The following CSGALNACT1 variants were observed in gnomAD, a reference collection of about 807,000 sequenced individuals.
CSGALNACT1 encodes the protein chondroitin sulfate N-acetylgalactosaminyltransferase 1.
In CSGALNACT1, 52 loss-of-function variants were observed where a neutral mutation model predicts 51.0. That is an observed-to-expected ratio of 1.02 (90% CI 0.82 to 1.29). CSGALNACT1 has a LOEUF of 1.29. CSGALNACT1 is among the 50% of genes most tolerant of loss of function. The probability of loss-of-function intolerance (pLI) is 0.00; values close to 1 mark genes in which losing one functional copy is unlikely to be tolerated. For synonymous variants in CSGALNACT1, 341 were observed against 254.4 expected, an observed-to-expected ratio of 1.34 and a Z score of -3.24; for missense variants, 935 against 679.2, an observed-to-expected ratio of 1.38 and a Z score of -4.19.
At position 19,663,761 on chromosome 8, in the gene CSGALNACT1, G is replaced by C. The variant is rs2058960798; in HGVS notation, c.-544+18712C>G. Among the ~76,000 whole-genome samples the C allele has an allele frequency of 3.9e-5, 6 of 152,268 alleles. 1 individual carries two copies. The South Asian group carries it at 1.2e-3, about 31-fold the overall frequency. On this transcript the variant is annotated intron_variant, in intron 1 of 9. Transcript: ENST00000332246. Reference sequence around the variant, plus strand: ...ATACTACATTTCTATTGTGCAAACAGTTTCAATTCATCAAGAAGGAATCTC... The same window carrying C: ...ATACTACATTTCTATTGTGCAAACACTTTCAATTCATCAAGAAGGAATCTC...
chr8:19,519,660 C>T (rs144760704), intron 3 of CSGALNACT1, among the ~76,000 whole-genome samples: 1 of 152,292 alleles, frequency 6.6e-6, no homozygotes, highest in East Asian at 1.9e-4. Context: ...GACACTCTCC[C>T]TCCTCTCCAT....
At chr8:19,540,427 G>C (rs1260756296) in intron 3 of CSGALNACT1, among the ~76,000 whole-genome samples, 3 of 152,142 alleles carry the variant, frequency 2.0e-5, no homozygotes, top group Non-Finnish European at 4.4e-5. Flanking sequence ...TCACTGTGTG[G>C]ATACAAAAGT....
intron 5 of CSGALNACT1, among the ~76,000 whole-genome samples, chr8:19,455,161 C>T (rs1262823224): frequency 1.3e-5 from 2 of 152,202 alleles, no homozygotes; most frequent in Non-Finnish European, 2.9e-5. Context: ...TGCTGTTCTA[C>T]ACTGCTTAAA....
intron 3 of CSGALNACT1, among the ~76,000 whole-genome samples, chr8:19,585,696 T>C (rs926773409): frequency 6.6e-6 from 1 of 152,208 alleles, no homozygotes; most frequent in Admixed American, 6.5e-5. Flanking sequence ...ATGGAGATTC[T>C]AGAAGGTGTT....
chr8:19,478,433 A>G (rs1350028248), intron 4 of CSGALNACT1, among the ~76,000 whole-genome samples: 1 of 151,660 alleles, frequency 6.6e-6, no homozygotes, highest in Non-Finnish European at 1.5e-5. Context: ...AAAAAAAAAA[A>G]AAAAAGGTAC....
intron 4 of CSGALNACT1, among the ~76,000 whole-genome samples, chr8:19,459,870 G>A (rs577864278): frequency 1.3e-5 from 2 of 152,138 alleles, no homozygotes; most frequent in Non-Finnish European, 2.9e-5. Flanking sequence ...TCTAGGGACC[G>A]TGCAAACTGT....
intron 1 of CSGALNACT1, among the ~76,000 whole-genome samples, chr8:19,661,247 G>C (rs1349262619): frequency 6.6e-6 from 1 of 152,054 alleles, no homozygotes; most frequent in African/African-American, 2.4e-5. Flanking sequence ...GGAGCCACAA[G>C]GCCTCTCCCA....
At chr8:19,448,824 A>T (rs1338420431) in intron 5 of CSGALNACT1, among the ~76,000 whole-genome samples, 1 of 152,212 alleles carries the variant, frequency 6.6e-6, no homozygotes. Flanking sequence ...TCCCATGCAA[A>T]TGAAATGACA....
chr8:19,682,681 T>A (rs1352682785), upstream of CSGALNACT1: 1 of 453,984 alleles, frequency 2.2e-6, no homozygotes, highest in East Asian at 6.9e-5. Context: ...TTGACACAAG[T>A]CTTGGGTTAC....
intron 1 of CSGALNACT1, among the ~76,000 whole-genome samples, chr8:19,675,736 C>G (rs1233498302): frequency 2.0e-5 from 3 of 152,226 alleles, no homozygotes; most frequent in African/African-American, 7.2e-5. Context: ...TCGTGATCCA[C>G]CTCAGCCTCC....
intron 1 of CSGALNACT1, among the ~76,000 whole-genome samples, chr8:19,610,324 G>A (rs2052052422): frequency 6.7e-6 from 1 of 148,680 alleles, no homozygotes; most frequent in African/African-American, 2.5e-5. Context: ...TACAGAAGAG[G>A]GGAAGGGAAG....
intron 2 of CSGALNACT1, among the ~76,000 whole-genome samples, chr8:19,596,589 G>C (rs1246105904): frequency 6.8e-6 from 1 of 147,812 alleles, no homozygotes; most frequent in East Asian, 2.0e-4. Flanking sequence ...GCCACAAATT[G>C]TAAGAAAAAA....
At chr8:19,567,690 G>A (rs994389587) in intron 3 of CSGALNACT1, among the ~76,000 whole-genome samples, 1 of 152,132 alleles carries the variant, frequency 6.6e-6, no homozygotes, top group Non-Finnish European at 1.5e-5. Flanking sequence ...AAATTAGAAT[G>A]TCATTATTTA....
At chr8:19,490,643 T>G (rs894636658) in intron 4 of CSGALNACT1, among the ~76,000 whole-genome samples, 1 of 152,156 alleles carries the variant, frequency 6.6e-6, no homozygotes, top group African/African-American at 2.4e-5. Flanking sequence ...TCTCTCCAGC[T>G]TGGACACCTG....
intron 1 of CSGALNACT1, among the ~76,000 whole-genome samples, chr8:19,711,215 G>A (rs948104054): frequency 1.3e-5 from 2 of 152,114 alleles, no homozygotes; most frequent in Admixed American, 6.5e-5. Context: ...AGTGATAGTC[G>A]AGTTGTGCTG....
upstream of CSGALNACT1, among the ~76,000 whole-genome samples, chr8:19,687,410 C>T (rs1489833891): frequency 6.6e-6 from 1 of 152,068 alleles, no homozygotes; most frequent in African/African-American, 2.4e-5. Flanking sequence ...AGATGCCCCA[C>T]TAAAATATAT....
chr8:19,411,103 C>T (rs2055612834), intron 8 of CSGALNACT1, among the ~76,000 whole-genome samples: 1 of 152,148 alleles, frequency 6.6e-6, no homozygotes, highest in Non-Finnish European at 1.5e-5. Context: ...GTCTCCAAGG[C>T]CAGATACTTG....
rs116758753 is a variant in CSGALNACT1, at chr8:19,463,898, A to G, written c.635-5256T>C. Among the ~76,000 whole-genome samples, 938 of 152,248 alleles carry G rather than the reference A, an allele frequency of 6.2e-3. 10 individuals are homozygous for G. Among genetic ancestry groups the G allele is most frequent in the African/African-American group, 0.022 (908 of 41,538 alleles). ...CATGTATCCAAGACAGAGATCTGTA[A>G]TCTATTCACACAAATGTCTATTCCT... On this transcript the variant is annotated intron_variant, in intron 4 of 9. Coordinates refer to ENST00000454498, the Ensembl canonical transcript of CSGALNACT1.
chr8:19,551,576 C>T (rs756883849), intron 3 of CSGALNACT1, among the ~76,000 whole-genome samples: 1 of 152,182 alleles, frequency 6.6e-6, no homozygotes, highest in African/African-American at 2.4e-5. Flanking sequence ...CTTCCTATTG[C>T]GTGCAAGCAA....
Sources: gnomAD v4.1 joint callset for allele counts (sites outside exome capture counted in the v4.1 genomes callset) on GRCh38, gnomAD v4.1.1 for gene constraint, MANE v1.5 for transcripts, NCBI Gene and HGNC (gene_info 2026-07-23, HGNC 2026-07-21) for gene names.